Variants in TANC2 observed in about 807,000 individuals in gnomAD.
TANC2 encodes protein TANC2.
Under a neutral mutation model 210.5 loss-of-function variants are expected in TANC2, and 26 were observed. The ratio of observed to expected loss-of-function variants is 0.12; its 90% confidence interval spans 0.09 to 0.17. The LOEUF (loss-of-function observed/expected upper bound fraction) is 0.17. Ranked by LOEUF, TANC2 falls within the 10% of genes least tolerant of loss-of-function variation. TANC2 has a pLI of 1.00. For synonymous variants in TANC2, 931 were observed against 967.1 expected, an observed-to-expected ratio of 0.96 and a Z score of 0.69; for missense variants, 2,129 against 2,608.9, an observed-to-expected ratio of 0.82 and a Z score of 4.01.
intron 2 of TANC2, among the ~76,000 whole-genome samples, chr17:63,060,219 T>C (rs2035945475): frequency 6.6e-6 from 1 of 152,208 alleles, no homozygotes; most frequent in African/African-American, 2.4e-5. Context: ...TCAGTTAATT[T>C]TTGTTGTTGT....
chr17:63,075,773 C>T (rs2036551271), intron 3 of TANC2, among the ~76,000 whole-genome samples: 1 of 151,978 alleles, frequency 6.6e-6, no homozygotes, highest in Admixed American at 6.6e-5. Flanking sequence ...TTCACCTCAC[C>T]CTCCCAAAGT....
intron 2 of TANC2, among the ~76,000 whole-genome samples, chr17:63,034,448 CACA>C (rs1388070658): frequency 6.6e-6 from 1 of 152,206 alleles, no homozygotes; most frequent in African/African-American, 2.4e-5. Flanking sequence ...TGCCTGCGAA[CACA>C]ACATTTATTC....
chr17:63,301,699 A>C (rs567338728), intron 9 of TANC2, among the ~76,000 whole-genome samples: 1 of 151,888 alleles, frequency 6.6e-6, no homozygotes, highest in Admixed American at 6.6e-5. Context: ...CTAGCAGTCT[A>C]TCTATTTTGT....
intron 9 of TANC2, among the ~76,000 whole-genome samples, chr17:63,268,863 G>A (rs2043610196): frequency 1.3e-5 from 2 of 152,068 alleles, no homozygotes; most frequent in Non-Finnish European, 2.9e-5. Flanking sequence ...TATGCCTCTC[G>A]TTTGCTCAAA....
intron 2 of TANC2, among the ~76,000 whole-genome samples, chr17:63,065,992 G>A (rs1026132581): frequency 1.2e-4 from 19 of 152,216 alleles, no homozygotes; most frequent in African/African-American, 4.6e-4. Context: ...GCTCACTGCA[G>A]TCTTGACCTC....
At chr17:63,347,799 G>T (rs1355075228) in intron 12 of TANC2, among the ~76,000 whole-genome samples, 4 of 152,148 alleles carry the variant, frequency 2.6e-5, no homozygotes, top group Admixed American at 2.6e-4. Flanking sequence ...TGTTGGGACA[G>T]GGTCTCACTT....
intron 9 of TANC2, among the ~76,000 whole-genome samples, chr17:63,293,006 T>C (rs1598791300): frequency 6.6e-6 from 1 of 152,332 alleles, no homozygotes; most frequent in Non-Finnish European, 1.5e-5. Flanking sequence ...TTATTTATTC[T>C]AATTTTCTTT....
chr17:63,130,078 A>G (rs1333110001), intron 4 of TANC2, among the ~76,000 whole-genome samples: 2 of 152,212 alleles, frequency 1.3e-5, no homozygotes, highest in Non-Finnish European at 2.9e-5. Flanking sequence ...TTTTCTTTAT[A>G]GTAATCTTCT....
intron 2 of TANC2, among the ~76,000 whole-genome samples, chr17:63,028,805 CT>C (rs770077173): frequency 1.4e-4 from 21 of 151,974 alleles, no homozygotes; most frequent in Non-Finnish European, 2.9e-5. Flanking sequence ...CAATAACTTT[CT>C]ACTGAAATGT....
intron 5 of TANC2, among the ~76,000 whole-genome samples, chr17:63,158,622 A>G (rs1160369434): frequency 6.6e-6 from 1 of 152,238 alleles, no homozygotes; most frequent in Non-Finnish European, 1.5e-5. Context: ...TATCACATTT[A>G]AATTTGTAAG....
At chr17:63,375,762 ATAACT>A (rs149605666) in intron 14 of TANC2, among the ~76,000 whole-genome samples, 2,971 of 152,322 alleles carry the variant, frequency 0.02, 112 homozygotes, top group African/African-American at 0.067. Flanking sequence ...TACTCAAAAA[ATAACT>A]TAATTCAAAA....
chr17:63,237,301 A>T (rs1222649578), intron 7 of TANC2, among the ~76,000 whole-genome samples: 1 of 151,954 alleles, frequency 6.6e-6, no homozygotes, highest in Non-Finnish European at 1.5e-5. Flanking sequence ...TCCTTTGCTT[A>T]CTTTTTAATG....
chr17:63,034,161 G>A (rs1201859053), intron 2 of TANC2, among the ~76,000 whole-genome samples: 1 of 152,164 alleles, frequency 6.6e-6, no homozygotes, highest in East Asian at 1.9e-4. Flanking sequence ...CAGTGCCTGG[G>A]TTCCAAGCTT....
chr17:63,000,181 A>C (rs542928847), intron 1 of TANC2, among the ~76,000 whole-genome samples: 2 of 152,186 alleles, frequency 1.3e-5, no homozygotes, highest in Non-Finnish European at 2.9e-5. Flanking sequence ...TGTCACACGC[A>C]TTTTACCAAG....
chr17:62,977,530 T>C (rs759801894), intron 1 of TANC2, among the ~76,000 whole-genome samples: 48 of 152,216 alleles, frequency 3.2e-4, no homozygotes, highest in Non-Finnish European at 4.0e-4. Context: ...TTTTTGTCTT[T>C]GGATATGTTA....
At chr17:63,355,145 G>T (rs377236602) in exon 14 of TANC2, 280 of 1,613,740 alleles carry the variant, frequency 1.7e-4, no homozygotes, top group Non-Finnish European at 2.3e-4. Context: ...ACCGGGTGAT[G>T]CCTCTCCTGA....
rs554917656 is a variant in TANC2, at chr17:63,230,909, G to A, written c.770-6905G>A. On this transcript the variant is annotated intron_variant, in intron 7 of 27. Coordinates refer to ENST00000689528, the Ensembl canonical transcript of TANC2. ...ATTGTGTAGGAGTCTAAGTCTCTTT[G>A]TAGGTCTCTAAGAACTTGTTTTATG... 3.9e-5 allele frequency among the ~76,000 whole-genome samples: 6 copies of A among 152,280 alleles called. No homozygotes were observed. The East Asian group carries it at 1.2e-3, about 29-fold the overall frequency.
At chr17:63,410,402 T>C (rs1567996027) in intron 21 of TANC2, among the ~76,000 whole-genome samples, 1 of 147,050 alleles carries the variant, frequency 6.8e-6, no homozygotes, top group Non-Finnish European at 1.5e-5. Context: ...TGAATTTAAC[T>C]TTATTAGATT....
At chr17:63,413,460 C>G in intron 24 of TANC2, 83 bp from the exon 25 acceptor site, 1 of 1,079,268 alleles carries the variant, frequency 9.3e-7, no homozygotes, top group Non-Finnish European at 1.3e-6. Context: ...CAGAAATTCC[C>G]CTAGGGTATT....
Sources: allele counts gnomAD v4.1 joint callset (sites outside exome capture counted in the v4.1 genomes callset), GRCh38; gene constraint gnomAD v4.1.1; transcripts MANE v1.5; gene names NCBI Gene and HGNC (gene_info 2026-07-23, HGNC 2026-07-21).